The following PRMT8 variants were observed in gnomAD, a reference collection of about 807,000 sequenced individuals.
PRMT8 encodes the protein protein arginine methyltransferase 8, also known as protein arginine N-methyltransferase 8.
In PRMT8, 7 loss-of-function variants were observed where a neutral mutation model predicts 47.1. That is an observed-to-expected ratio of 0.15 (90% CI 0.08 to 0.28). The LOEUF is 0.28. PRMT8 is among the 10% of genes least tolerant of loss of function. The pLI, the probability that PRMT8 is intolerant of heterozygous loss-of-function variation, is 1.00. For synonymous variants in PRMT8, 188 were observed against 186.5 expected (o/e 1.01, Z -0.07); for missense variants, 237 against 505.4 (o/e 0.47, Z 5.09).
At chr12:3,529,193 G>A (rs1865989970) in intron 1 of PRMT8, among the ~76,000 whole-genome samples, 1 of 152,136 alleles carries the variant, frequency 6.6e-6, no homozygotes, top group South Asian at 2.1e-4. Context: ...ACCTTCAACT[G>A]AGAGAGATTA....
intron 1 of PRMT8, among the ~76,000 whole-genome samples, chr12:3,483,602 T>C (rs1419332513): frequency 4.6e-5 from 7 of 152,232 alleles, no homozygotes; most frequent in African/African-American, 1.4e-4. Flanking sequence ...ATGAGGACTC[T>C]GGCTGGCTTC....
In PRMT8 at chr12:3,576,994, C is replaced by A. The variant is rs1386931144; in HGVS notation, c.828+8C>A. 2 of 1,611,604 alleles carry A rather than the reference C, an allele frequency of 1.2e-6. No individual in the cohort carries two copies. The highest frequency in any genetic ancestry group is 1.7e-6 in the Non-Finnish European group (2 of 1,177,748). On this transcript the variant is annotated splice_region_variant and intron_variant, in intron 7 of 9. Transcript: ENST00000382622. The surrounding 1 kb of genome is among the most constrained non-coding windows in gnomAD (Gnocchi z 4.0). Reference sequence around the variant, plus strand: ...AATGCCTGTTTGATAAAGGTCTGGACACTCATCCGGGGTGGACCTGGGTGT... The same window carrying A: ...AATGCCTGTTTGATAAAGGTCTGGAAACTCATCCGGGGTGGACCTGGGTGT...
Position 3,525,312 on chromosome 12 carries a change from A to G in PRMT8, c.76-15294A>G, listed in dbSNP as rs1218265692. On this transcript the variant is annotated intron_variant, in intron 1 of 9. Coordinates refer to ENST00000382622, the MANE Select transcript of PRMT8 (RefSeq NM_019854.5). ...TTAGTTTGTGGGTGTCAGATAGCAG[A>G]ATAAAGATCAGGGTGACAGAGGCTG... is the stretch of plus-strand genomic sequence containing the variant. 2.0e-5 allele frequency among the ~76,000 whole-genome samples: 3 copies of G among 152,332 alleles called. No individual in the cohort carries two copies. The East Asian group carries it at 5.8e-4, about 29-fold the overall frequency.
At chr12:3,465,258 TATAA>T (rs1346270683) in intron 1 of PRMT8, among the ~76,000 whole-genome samples, 2 of 38,920 alleles carry the variant, frequency 5.1e-5, no homozygotes, top group Non-Finnish European at 1.2e-4. Context: ...AAATATATTT[TATAA>T]ATATTTATAA....
At chr12:3,392,008 A>T (rs753378996) in intron 1 of PRMT8, among the ~76,000 whole-genome samples, 10 of 152,096 alleles carry the variant, frequency 6.6e-5, no homozygotes, top group Admixed American at 5.9e-4. Flanking sequence ...TGAGCAAGGA[A>T]CAGGAGCAAA....
Position 3,549,978 on chromosome 12 carries a change from T to A in PRMT8, c.304T>A (p.Ser102Thr). 1 of 1,614,198 alleles carries A rather than the reference T, an allele frequency of 6.2e-7. No individual in the cohort carries two copies. The highest frequency in any genetic ancestry group is 8.5e-7 in the Non-Finnish European group (1 of 1,180,018). The stretch of plus-strand genomic sequence containing the variant: ...GGTGCGGACTCTCACTTACCGGAAC[T>A]CCATGTACCACAACAAGCACGTGTT... ...DEVRTLTYRN[S>T]MYHNKHVFKD... Residue 102 changes from serine to threonine, a missense_variant, in exon 3 of 10, where the codon TCC (serine) becomes ACC (threonine). Coordinates refer to ENST00000382622, the MANE Select transcript of PRMT8 (RefSeq NM_019854.5).
chr12:3,455,208 T>TA (rs775621309), intron 1 of PRMT8, among the ~76,000 whole-genome samples: 3 of 152,140 alleles, frequency 2.0e-5, no homozygotes, highest in African/African-American at 4.8e-5. Flanking sequence ...ACTGGTCTGT[T>TA]ACTGTGTAAC....
chr12:3,434,933 A>G (rs1392523857), intron 1 of PRMT8, among the ~76,000 whole-genome samples: 3 of 149,366 alleles, frequency 2.0e-5, no homozygotes, highest in African/African-American at 7.4e-5. Context: ...TCTCAGAGGT[A>G]GAGGAGTCCC....
At position 3,457,864 on chromosome 12, in the gene PRMT8, TTTA is replaced by T. The variant is rs1354984606; in HGVS notation, c.48+76423_48+76425del. Among the ~76,000 whole-genome samples the T allele has an allele frequency of 6.3e-3, 622 of 99,204 alleles. 10 individuals carry two copies. The highest frequency in any genetic ancestry group is 0.021 in the African/African-American group (585 of 27,536). The allele number at this position is 99,204 out of a possible 152,430, so 65.1% of individuals were successfully genotyped here. On this transcript the variant is annotated intron_variant, in intron 1 of 9. Transcript: ENST00000452611. ...TTGCTTTTTTTTTTTTTTTTTTTTT[TTTA>T]AGACAGCGTTCTGTTGCCAGGCTGG...
chr12:3,458,072 AC>A (rs1864995815), intron 1 of PRMT8, among the ~76,000 whole-genome samples: 1 of 151,276 alleles, frequency 6.6e-6, no homozygotes, highest in Non-Finnish European at 1.5e-5. Flanking sequence ...CGATTTCTTG[AC>A]CTCGTGATCC....
chr12:3,509,829 T>G (rs1034130356), intron 1 of PRMT8, among the ~76,000 whole-genome samples: 4 of 152,202 alleles, frequency 2.6e-5, no homozygotes, highest in Non-Finnish European at 5.9e-5. Flanking sequence ...AAGAGCAAAG[T>G]CAGGCAAAGT....
intron 1 of PRMT8, among the ~76,000 whole-genome samples, chr12:3,537,068 A>G (rs573378303): frequency 1.3e-5 from 2 of 152,314 alleles, no homozygotes; most frequent in South Asian, 2.1e-4. Context: ...GCTCTTTAAC[A>G]CTTCAAGTAC....
chr12:3,478,296 CTATCTATCTAT>C (rs776488767), intron 1 of PRMT8, among the ~76,000 whole-genome samples: 71 of 148,620 alleles, frequency 4.8e-4, no homozygotes, highest in African/African-American at 7.7e-4. Context: ...ATCTATCTAT[CTATCTATCTAT>C]CTACCTACCT....
intron 1 of PRMT8, among the ~76,000 whole-genome samples, chr12:3,478,471 C>T (rs1865240882): frequency 6.6e-6 from 1 of 152,126 alleles, no homozygotes; most frequent in Admixed American, 6.5e-5. Flanking sequence ...TGACTGCTTC[C>T]TTGATAGTAA....
intron 1 of PRMT8, among the ~76,000 whole-genome samples, chr12:3,473,350 C>T (rs1014185250): frequency 2.6e-5 from 4 of 152,232 alleles, no homozygotes; most frequent in African/African-American, 9.6e-5. Flanking sequence ...TGCAGCTGAT[C>T]GCTCCACCCA....
chr12:3,418,082 T>G (rs1054023627), intron 1 of PRMT8, among the ~76,000 whole-genome samples: 1 of 152,248 alleles, frequency 6.6e-6, no homozygotes, highest in African/African-American at 2.4e-5. Context: ...ACATAGCAAG[T>G]ACTCAATAAA....
At chr12:3,497,946 C>T (rs899821160) in intron 1 of PRMT8, among the ~76,000 whole-genome samples, 6 of 152,214 alleles carry the variant, frequency 3.9e-5, no homozygotes, top group African/African-American at 1.4e-4. Flanking sequence ...ATCCTGTGGA[C>T]TCCTGGGTCT....
intron 1 of PRMT8, among the ~76,000 whole-genome samples, chr12:3,473,518 C>T (rs989206462): frequency 3.3e-5 from 5 of 152,106 alleles, no homozygotes; most frequent in African/African-American, 4.8e-5. Flanking sequence ...CTGCAGTTCC[C>T]AATCAATACT....
chr12:3,433,621 T>G (rs1565406520), intron 1 of PRMT8, among the ~76,000 whole-genome samples: 1 of 152,136 alleles, frequency 6.6e-6, no homozygotes, highest in Non-Finnish European at 1.5e-5. Context: ...GACAAGATTT[T>G]TTTTTTTTTA....
Sources: allele counts gnomAD v4.1 joint callset (sites outside exome capture counted in the v4.1 genomes callset), GRCh38; gene constraint gnomAD v4.1.1; non-coding constraint Gnocchi (gnomAD v3.1); transcripts MANE v1.5; gene names NCBI Gene and HGNC (gene_info 2026-07-23, HGNC 2026-07-21).